The following KLHL3 variants were observed in gnomAD, a reference collection of about 807,000 sequenced individuals.
KLHL3 encodes kelch-like protein 3.
Under a neutral mutation model 70.5 loss-of-function variants are expected in KLHL3, and 19 were observed. The ratio of observed to expected loss-of-function variants is 0.27; its 90% CI spans 0.19 to 0.40. The LOEUF (loss-of-function observed/expected upper bound fraction) is 0.40, where lower values mean the gene tolerates loss of function less well. Ranked by LOEUF, KLHL3 falls within the 10% of genes least tolerant of loss-of-function variation. The pLI is 1.00. For synonymous variants in KLHL3, 258 were observed against 290.3 expected (o/e 0.89, Z 1.13); for missense variants, 512 against 771.1 (o/e 0.66, Z 3.98).
chr5:137,655,281 A>G lies in KLHL3; in HGVS notation c.903+2850T>C, dbSNP rs185233567. 2.2e-3 allele frequency among the ~76,000 whole-genome samples: 335 copies of G among 152,364 alleles called. 1 individual carries two copies. The highest frequency in any genetic ancestry group is 4.1e-3 in the Admixed American group (62 of 15,298). On this transcript the variant is annotated intron_variant, in intron 8 of 14. Transcript: ENST00000309755. ...AAATTTAGATCATAATAAAGATAGT[A>G]TTCAAACCAATGGGGGAAGAGGGGA...
chr5:137,672,874 A>G (rs1751795797), intron 6 of KLHL3: 1 of 152,216 alleles, frequency 6.6e-6, no homozygotes, highest in Admixed American at 6.5e-5. Flanking sequence ...GGGGAAATAC[A>G]ATAAACATGC....
chr5:137,680,228 GT>G lies in KLHL3; in HGVS notation c.527-2575del, dbSNP rs377172655. ...TTTGAACAATTATTTGGGGTTTTTT[GT>G]TTTGTTTTGTTTTGCTTTTAATGTA... is the stretch of plus-strand genomic sequence containing the variant. On this transcript the variant is annotated intron_variant, in intron 5 of 14. Coordinates refer to ENST00000309755, the MANE Select transcript of KLHL3 (RefSeq NM_017415.3). 2.3e-4 allele frequency among the ~76,000 whole-genome samples: 35 copies of G among 152,246 alleles called. 3 individuals are homozygous for G. The highest frequency in any genetic ancestry group is 7.9e-4 in the African/African-American group (33 of 41,576).
chr5:137,718,965 T>C lies in KLHL3; in HGVS notation c.134+1500A>G, dbSNP rs143714176. Reference sequence around the variant, plus strand: ...ATCAGGTAGAACTTTTGTTGAAAAGTAGTTCAACTCCCCACTCAACACACA... The same window carrying C: ...ATCAGGTAGAACTTTTGTTGAAAAGCAGTTCAACTCCCCACTCAACACACA... On this transcript the variant is annotated intron_variant, in intron 2 of 14. Transcript: ENST00000309755. Among the ~76,000 whole-genome samples, 1,516 of 152,348 alleles carry C rather than the reference T, an allele frequency of 1.0e-2. 10 individuals are homozygous for C. The highest frequency in any genetic ancestry group is 0.027 in the South Asian group (131 of 4,830).
chr5:137,664,864 A>G (rs1456924188), intron 6 of KLHL3, among the ~76,000 whole-genome samples: 2 of 152,140 alleles, frequency 1.3e-5, no homozygotes, highest in Admixed American at 6.5e-5. Flanking sequence ...AAGAGTCACA[A>G]TTCTCAAAGA....
intron 6 of KLHL3, among the ~76,000 whole-genome samples, chr5:137,671,601 T>G (rs1751760712): frequency 6.6e-6 from 1 of 152,230 alleles, no homozygotes; most frequent in Admixed American, 6.5e-5. Context: ...CTCTGAACCT[T>G]AGTTTCTTCG....
intron 5 of KLHL3, among the ~76,000 whole-genome samples, chr5:137,682,403 T>TAGAGAGGGAGAGAGAGAGAGAGAGAGAG (rs1752049454): frequency 7.5e-6 from 1 of 133,374 alleles, no homozygotes; most frequent in African/African-American, 2.8e-5. Flanking sequence ...GTGCTGGACA[T>TAGAGAGGGAGAGAGAGAGAGAGAGAGAG]AGAGAGAGAG....
chr5:137,696,853 C>T lies in KLHL3; in HGVS notation c.363+1434G>A, dbSNP rs139524886. On this transcript the variant is annotated intron_variant, in intron 4 of 14. Coordinates refer to ENST00000309755, the MANE Select transcript of KLHL3 (RefSeq NM_017415.3). Reference sequence around the variant, plus strand: ...ATGCATGTGAATTGATGGGCACATGCTTGCTTATAAAAGTATGACTGCTGG... The same window carrying T: ...ATGCATGTGAATTGATGGGCACATGTTTGCTTATAAAAGTATGACTGCTGG... Among the ~76,000 whole-genome samples the T allele has an allele frequency of 9.8e-4, 149 of 152,302 alleles. 3 individuals carry two copies. In the Middle Eastern group the frequency reaches 0.01, roughly 11 times the overall value.
At chr5:137,674,793 T>C (rs1751847343) in intron 6 of KLHL3, among the ~76,000 whole-genome samples, 1 of 152,238 alleles carries the variant, frequency 6.6e-6, no homozygotes, top group South Asian at 2.1e-4. Flanking sequence ...GAAAGGTTAT[T>C]ATGCATGCAA....
intron 5 of KLHL3, among the ~76,000 whole-genome samples, chr5:137,691,995 C>A (rs778730129): frequency 6.6e-6 from 1 of 152,198 alleles, no homozygotes; most frequent in Non-Finnish European, 1.5e-5. Flanking sequence ...CAAGACGTAG[C>A]TCAAGACCTA....
At chr5:137,689,323 A>T (rs562250716) in intron 5 of KLHL3, among the ~76,000 whole-genome samples, 66 of 152,256 alleles carry the variant, frequency 4.3e-4, no homozygotes, top group Non-Finnish European at 5.3e-4. Context: ...CAGCAACCCC[A>T]TTACTGGGTA....
In KLHL3 at chr5:137,645,831, A is replaced by G. The variant is rs1751030684; in HGVS notation, c.904-5854T>C. Among the ~76,000 whole-genome samples the G allele has an allele frequency of 2.0e-5, 3 of 152,128 alleles. No individual in the cohort carries two copies. In the South Asian group the frequency reaches 6.2e-4, roughly 31 times the overall value. ...CTAAAACTCATATGGGAATAGCCAA[A>G]CAATCTAGAGCAAAAGGAACAAAGC... On this transcript the variant is annotated intron_variant, in intron 8 of 14. Transcript: ENST00000309755.
At chr5:137,726,620 C>T (rs1753089327) in intron 1 of KLHL3, among the ~76,000 whole-genome samples, 1 of 152,086 alleles carries the variant, frequency 6.6e-6, no homozygotes, top group African/African-American at 2.4e-5. Flanking sequence ...TGCCTGATTA[C>T]TTTTTCAGGG....
chr5:137,643,065 C>T (rs17795944), intron 8 of KLHL3, among the ~76,000 whole-genome samples: 27,248 of 151,990 alleles, frequency 0.18, 2,659 homozygotes, highest in Non-Finnish European at 0.22. Context: ...AAATGATACA[C>T]GACAGCTAGG....
At chr5:137,681,893 C>T (rs980081628) in intron 5 of KLHL3, among the ~76,000 whole-genome samples, 1 of 152,052 alleles carries the variant, frequency 6.6e-6, no homozygotes, top group African/African-American at 2.4e-5. Context: ...ATGTTCCTGT[C>T]CATATGGATG....
intron 7 of KLHL3, chr5:137,661,419 C>T (rs1281174878): frequency 6.6e-6 from 1 of 152,314 alleles, no homozygotes; most frequent in Non-Finnish European, 1.5e-5. Context: ...TTCTAGGCAC[C>T]GTTTTTACAG....
At chr5:137,670,567 T>G (rs1751729337) in intron 6 of KLHL3, among the ~76,000 whole-genome samples, 1 of 151,772 alleles carries the variant, frequency 6.6e-6, no homozygotes, top group African/African-American at 2.4e-5. Context: ...CAAAGCTCAT[T>G]ACCATATAAA....
intron 8 of KLHL3, among the ~76,000 whole-genome samples, chr5:137,640,672 C>T (rs1750890003): frequency 6.6e-6 from 1 of 152,098 alleles, no homozygotes; most frequent in African/African-American, 2.4e-5. Flanking sequence ...CAAGGTCACA[C>T]AGCTAAGAGT....
At chr5:137,701,568 T>A (rs1448566305) in intron 3 of KLHL3, among the ~76,000 whole-genome samples, 1 of 152,198 alleles carries the variant, frequency 6.6e-6, no homozygotes, top group Non-Finnish European at 1.5e-5. Flanking sequence ...CCAAGCGGCT[T>A]ATCCTCAACA....
intron 10 of KLHL3, among the ~76,000 whole-genome samples, chr5:137,637,896 CCT>C (rs2149884173): frequency 6.6e-6 from 1 of 152,296 alleles, no homozygotes; most frequent in African/African-American, 2.4e-5. Flanking sequence ...ATACCATTCC[CCT>C]TTTTGATTCT....
Sources: allele counts gnomAD v4.1 joint callset (sites outside exome capture counted in the v4.1 genomes callset), GRCh38; gene constraint gnomAD v4.1.1; transcripts MANE v1.5; gene names NCBI Gene and HGNC (gene_info 2026-07-23, HGNC 2026-07-21).